Variants in CABIN1 observed in about 807,000 individuals in gnomAD.
The protein encoded by CABIN1 is calcineurin-binding protein cabin-1.
In CABIN1, 133 loss-of-function variants were observed where a neutral mutation model predicts 227.7. That is an observed-to-expected ratio of 0.58 (90% CI 0.51 to 0.67). The LOEUF is 0.67. Ranked by LOEUF, CABIN1 falls within the 30% of genes least tolerant of loss-of-function variation. The probability of loss-of-function intolerance (pLI) is 0.00; values close to 1 mark genes in which losing one functional copy is unlikely to be tolerated. For synonymous variants in CABIN1, 1,086 were observed against 1,155.1 expected (o/e 0.94, Z 1.21); for missense variants, 2,408 against 2,852.5 (o/e 0.84, Z 3.55).
chr22:24,100,616 C>T (rs764539868), intron 26 of CABIN1, among the ~76,000 whole-genome samples: 1 of 152,220 alleles, frequency 6.6e-6, no homozygotes, highest in African/African-American at 2.4e-5. Context: ...TGCAGGCCAC[C>T]ACTGAGCCCT....
intron 23 of CABIN1, among the ~76,000 whole-genome samples, chr22:24,088,982 G>T (rs2041360683): frequency 6.6e-6 from 1 of 152,154 alleles, no homozygotes; most frequent in South Asian, 2.1e-4. Context: ...TGTTGCAGTG[G>T]CCCCAGAGTT....
chr22:24,042,878 T>TGTGTGTGTG lies in CABIN1; in HGVS notation c.346-26_346-25insGTGTGTGTG, dbSNP rs1569112630. On this transcript the variant is annotated intron_variant, in intron 5 of 36. Transcript: ENST00000263119. ...TGTGTGTGTGTGTGTGTGTGTGTGT[T>TGTGTGTGTG]TGCCCTCTGCTTGTGTCGCTTCCAG... The TGTGTGTGTG allele has an allele frequency of 2.6e-5, 25 of 952,284 alleles. No homozygotes were observed. The African/African-American group carries it at 2.7e-4, about 10-fold the overall frequency. 59.0% of individuals were successfully genotyped at this position (952,284 alleles called of 1,614,324 possible).
chr22:24,139,788 C>T (rs2044643343), intron 29 of CABIN1, among the ~76,000 whole-genome samples: 1 of 152,196 alleles, frequency 6.6e-6, no homozygotes, highest in Non-Finnish European at 1.5e-5. Flanking sequence ...GTCCCCTGGC[C>T]TGGCCCAGAG....
intron 8 of CABIN1, among the ~76,000 whole-genome samples, chr22:24,053,868 G>A (rs756332210): frequency 1.2e-4 from 18 of 152,066 alleles, no homozygotes; most frequent in Non-Finnish European, 2.1e-4. Flanking sequence ...GGAGAGAAGC[G>A]CAGTGCTGGA....
In CABIN1 at chr22:24,042,817, A is replaced by AGTGT. The variant is rs1601747692; in HGVS notation, c.346-87_346-86insGTGT. The AGTGT allele has an allele frequency of 7.3e-5, 42 of 577,596 alleles. No homozygotes were observed. In the African/African-American group the frequency reaches 8.1e-4, roughly 11 times the overall value. 35.8% of individuals were successfully genotyped at this position (577,596 alleles called of 1,614,324 possible). A position where few individuals can be genotyped will look rare whatever the true frequency, so the allele number is the denominator to read the frequency against. On this transcript the variant is annotated intron_variant, in intron 5 of 36. Coordinates refer to ENST00000263119, the MANE Select transcript of CABIN1 (RefSeq NM_012295.4). Reference sequence around the variant, plus strand: ...GGGTGCATATTCAAGGAGAGATCTGACTGTGTGTGTGTGTGTGTGTGTGTG... The same window carrying AGTGT: ...GGGTGCATATTCAAGGAGAGATCTGAGTGTCTGTGTGTGTGTGTGTGTGTGTGTG...
Position 24,177,479 on chromosome 22 carries a change from T to A in CABIN1, c.6206-25T>A, listed in dbSNP as rs544565523. 6 of 1,511,806 alleles carry A rather than the reference T, an allele frequency of 4.0e-6. No individual in the cohort carries two copies. The highest frequency in any genetic ancestry group is 2.2e-5 in the Admixed American group (1 of 45,820). 93.6% of individuals were successfully genotyped at this position (1,511,806 alleles called of 1,614,324 possible). The stretch of plus-strand genomic sequence containing the variant: ...ACTGTGTGATGCGGCAGGCAGGAAG[T>A]GCTCTTGGTACCTTTGTCTTCCAGA... On this transcript the variant is annotated intron_variant, in intron 35 of 36. Transcript: ENST00000263119. The surrounding 1 kb of genome is among the most constrained non-coding windows in gnomAD (Gnocchi z 4.4).
intron 30 of CABIN1, among the ~76,000 whole-genome samples, chr22:24,165,244 A>G (rs2148674546): frequency 6.6e-6 from 1 of 152,350 alleles, no homozygotes; most frequent in Admixed American, 6.5e-5. Context: ...CCCTGGAGCC[A>G]GACCTGAGGG....
chr22:24,095,014 C>T (rs978410971), intron 24 of CABIN1, among the ~76,000 whole-genome samples: 27 of 152,290 alleles, frequency 1.8e-4, no homozygotes, highest in African/African-American at 6.5e-4. Flanking sequence ...ATGGGTGCCT[C>T]GAGTGGTTTC....
chr22:24,060,270 T>C (rs2039095479), intron 12 of CABIN1, 129 bp downstream of exon 12: 6 of 888,432 alleles, frequency 6.8e-6, no homozygotes, highest in Non-Finnish European at 1.1e-5. Flanking sequence ...CTGGTTTTTT[T>C]GTGGGTGTCG....
chr22:24,076,308 A>T (rs758371141), intron 19 of CABIN1, 24 bp downstream of exon 19: 2 of 1,586,846 alleles, frequency 1.3e-6, no homozygotes, highest in African/African-American at 2.7e-5. Flanking sequence ...CTTGGGCTGC[A>T]GACTGCCAGT....
At chr22:24,059,491 A>G in intron 11 of CABIN1, 128 bp downstream of exon 11, 1 of 1,133,346 alleles carries the variant, frequency 8.8e-7, no homozygotes, top group Admixed American at 2.0e-5. Flanking sequence ...GTCTGCCTGG[A>G]TTAGTCTTGG....
chr22:24,090,693 T>C (rs1312136459), intron 23 of CABIN1, among the ~76,000 whole-genome samples: 1 of 152,170 alleles, frequency 6.6e-6, no homozygotes, highest in Non-Finnish European at 1.5e-5. Flanking sequence ...AGGCACTTCC[T>C]GCAGGCCACA....
At chr22:24,028,762 A>G (rs2036280555) in intron 1 of CABIN1, among the ~76,000 whole-genome samples, 2 of 152,124 alleles carry the variant, frequency 1.3e-5, no homozygotes, top group Non-Finnish European at 2.9e-5. Context: ...ATGACTGAAT[A>G]ACAGGTGAGC....
At position 24,177,413 on chromosome 22, in the gene CABIN1, C is replaced by A; in HGVS notation, c.6206-91C>A. The A allele has an allele frequency of 1.7e-6, 2 of 1,162,932 alleles. No individual in the cohort carries two copies. Among genetic ancestry groups the A allele is most frequent in the Non-Finnish European group, 2.4e-6 (2 of 828,142 alleles). 72.0% of individuals were successfully genotyped at this position (1,162,932 alleles called of 1,614,324 possible). A position where few individuals can be genotyped will look rare whatever the true frequency, so the allele number is the denominator to read the frequency against. On this transcript the variant is annotated intron_variant, in intron 35 of 36. Coordinates refer to ENST00000263119, the MANE Select transcript of CABIN1 (RefSeq NM_012295.4). This position sits in a 1 kb window ranked among gnomAD's most constrained non-coding sequence, Gnocchi z 4.4. The stretch of plus-strand genomic sequence containing the variant: ...GCACAAACTACACAGCATAAAGGCC[C>A]AGGACCTGGGGGGAGCGGGTGGGGG...
chr22:24,057,019 C>G (rs1233175053), intron 10 of CABIN1, among the ~76,000 whole-genome samples: 1 of 152,098 alleles, frequency 6.6e-6, no homozygotes, highest in African/African-American at 2.4e-5. Flanking sequence ...TTACTGCAAG[C>G]TCCACCTCCC....
intron 26 of CABIN1, among the ~76,000 whole-genome samples, chr22:24,110,142 G>T (rs1218351411): frequency 6.6e-6 from 1 of 152,208 alleles, no homozygotes; most frequent in Non-Finnish European, 1.5e-5. Context: ...TTGCACTCCA[G>T]CCTGGGCAAC....
At chr22:24,122,119 A>G (rs9620358) in intron 28 of CABIN1, among the ~76,000 whole-genome samples, 6,249 of 146,950 alleles carry the variant, frequency 0.043, 241 homozygotes, top group African/African-American at 0.1. Context: ...CAGTGCATAT[A>G]AAGTGCTTAG....
chr22:24,103,439 C>T (rs2042329692), intron 26 of CABIN1: 1 of 152,160 alleles, frequency 6.6e-6, no homozygotes, highest in African/African-American at 2.4e-5. Flanking sequence ...GAGGTGGGTC[C>T]TGTGTCTTCA....
chr22:24,035,835 T>C (rs929860227), intron 2 of CABIN1, among the ~76,000 whole-genome samples: 1 of 152,000 alleles, frequency 6.6e-6, no homozygotes, highest in Admixed American at 6.5e-5. Context: ...GCTTTTGCAG[T>C]GGACAGTACC....
Sources: allele counts gnomAD v4.1 joint callset (sites outside exome capture counted in the v4.1 genomes callset), GRCh38; gene constraint gnomAD v4.1.1; non-coding constraint Gnocchi (gnomAD v3.1); transcripts MANE v1.5; gene names NCBI Gene and HGNC (gene_info 2026-07-23, HGNC 2026-07-21).